The following ARHGAP39 variants were observed in gnomAD, a reference collection of about 807,000 sequenced individuals.
ARHGAP39 encodes the protein rho GTPase-activating protein 39.
A neutral mutation model predicts 106.9 loss-of-function variants in ARHGAP39; 44 were observed. The observed-to-expected ratio is 0.41, with a 90% CI of 0.32 to 0.53. ARHGAP39 has a LOEUF of 0.53. ARHGAP39 is among the 20% of genes least tolerant of loss of function. The probability of loss-of-function intolerance (pLI) is 0.21; values close to 1 mark genes in which losing one functional copy is unlikely to be tolerated. For synonymous variants in ARHGAP39, 768 were observed against 693.2 expected, an observed-to-expected ratio of 1.11 and a Z score of -1.69; for missense variants, 1,496 against 1,577.3, an observed-to-expected ratio of 0.95 and a Z score of 0.87.
intron 2 of ARHGAP39, among the ~76,000 whole-genome samples, chr8:144,601,969 G>A (rs1341550249): frequency 6.9e-6 from 1 of 144,758 alleles, no homozygotes; most frequent in Non-Finnish European, 1.5e-5. Flanking sequence ...GTGTTCATGT[G>A]CGTGGAGGTG....
chr8:144,614,632 T>C (rs1464330594), intron 1 of ARHGAP39, among the ~76,000 whole-genome samples: 1 of 152,204 alleles, frequency 6.6e-6, no homozygotes, highest in African/African-American at 2.4e-5. Context: ...GGATTACAGG[T>C]GTGAGCCACC....
rs1822537395 is a variant in ARHGAP39, at chr8:144,684,900, C to T, written c.-82+786G>A. 6.6e-6 allele frequency among the ~76,000 whole-genome samples: 1 copy of T among 152,220 alleles called. No homozygotes were observed. The highest frequency in any genetic ancestry group is 2.1e-4 in the South Asian group (1 of 4,836). On this transcript the variant is annotated intron_variant, in intron 1 of 11. Coordinates refer to ENST00000377307, the MANE Select transcript of ARHGAP39 (RefSeq NM_025251.3). This position sits in a 1 kb window ranked among gnomAD's most constrained non-coding sequence, Gnocchi z 4.4. ...GAGACGCCCATGTCCGCTCCCTGCG[C>T]CCCGGGGACAAAGCCCGAGGCTGCA... is the stretch of plus-strand genomic sequence containing the variant.
the ARHGAP39 span, among the ~76,000 whole-genome samples, chr8:144,691,327 C>T: frequency 6.6e-6 from 1 of 152,160 alleles, no homozygotes; most frequent in African/African-American, 2.4e-5. Context: ...TCTGCTGGAA[C>T]CCAGCAGGAT....
chr8:144,533,315 T>G lies in ARHGAP39; in HGVS notation c.2699A>C (p.Lys900Thr). Residue 900 changes from lysine (K) to threonine (T), a missense_variant, in exon 9 of 12, where the codon AAG becomes ACG. This residue lies in a region of ARHGAP39 where 470 missense variants were observed against 605.1 expected (regional missense o/e 0.78). Transcript: ENST00000377307. ...ATGCCGGATCTCCTCCACGTTGGGC[T>G]TCTTCAGCCCCTGTGAAGACAGAGG... ...ALTGAKKGLK[K>T]PNVEEIRHAK... The G allele has an allele frequency of 6.2e-7, 1 of 1,612,832 alleles. No individual in the cohort carries two copies.
rs73716225 is a variant in ARHGAP39 at position 144,553,427 on chromosome 8, C to T, written c.596+2133G>A. Among the ~76,000 whole-genome samples, 1,016 of 152,330 alleles carry T rather than the reference C, an allele frequency of 6.7e-3. 16 individuals are homozygous for T. Among genetic ancestry groups the T allele is most frequent in the African/African-American group, 0.022 (933 of 41,566 alleles). ...ACGTATCATGAGAACACACAGAGCA[C>T]GCGCGTTTCAGCAAAAAGGACTGAG... On this transcript the variant is annotated intron_variant, in intron 4 of 11. Transcript: ENST00000377307.
intron 10 of ARHGAP39, 132 bp from the exon 11 acceptor site, chr8:144,531,003 G>T: frequency 1.6e-6 from 2 of 1,217,312 alleles, no homozygotes; most frequent in East Asian, 2.6e-5. Flanking sequence ...TCTGGACAGG[G>T]CCCATCTGGC....
chr8:144,675,764 T>A (rs1822218824), intron 1 of ARHGAP39, among the ~76,000 whole-genome samples: 1 of 151,884 alleles, frequency 6.6e-6, no homozygotes, highest in Non-Finnish European at 1.5e-5. Flanking sequence ...TTCCGGTGGG[T>A]TCGTGGTCTC....
At chr8:144,540,983 C>T (rs1401652561) in intron 6 of ARHGAP39, among the ~76,000 whole-genome samples, 2 of 152,146 alleles carry the variant, frequency 1.3e-5, no homozygotes, top group East Asian at 3.9e-4. Context: ...TCCTGAGTGC[C>T]TGGGATTACA....
intron 3 of ARHGAP39, among the ~76,000 whole-genome samples, chr8:144,570,754 AAG>A (rs1315285057): frequency 9.9e-5 from 15 of 152,206 alleles, no homozygotes; most frequent in Non-Finnish European, 2.1e-4. Context: ...TAAAGAAGAA[AAG>A]AGAGAATAAT....
chr8:144,674,367 CA>C lies in ARHGAP39; in HGVS notation c.-82+11318del, dbSNP rs939570479. Among the ~76,000 whole-genome samples, 125 of 152,302 alleles carry C rather than the reference CA, an allele frequency of 8.2e-4. 1 individual carries two copies. Among genetic ancestry groups the C allele is most frequent in the African/African-American group, 2.5e-3 (106 of 41,574 alleles). On this transcript the variant is annotated intron_variant, in intron 1 of 11. Transcript: ENST00000377307. ...GTTGTCTTGACGACTGTTCAGGTCTCAGCAGAGAGGAGACTCGGACTGGTTA... is the reference window on the plus strand; with the variant it reads ...GTTGTCTTGACGACTGTTCAGGTCTCGCAGAGAGGAGACTCGGACTGGTTA...
In ARHGAP39 at chr8:144,668,712, T is replaced by C. The variant is rs150342851; in HGVS notation, c.-82+16974A>G. On this transcript the variant is annotated intron_variant, in intron 1 of 11. Coordinates refer to ENST00000377307, the MANE Select transcript of ARHGAP39 (RefSeq NM_025251.3). ...ATGTTCATGAAATGAAAGACAACAT[T>C]AGTAAGATGGCAGAACACTCCACAC... Among the ~76,000 whole-genome samples the C allele has an allele frequency of 2.7e-3, 406 of 152,020 alleles. 3 individuals carry two copies. The highest frequency in any genetic ancestry group is 9.3e-3 in the African/African-American group (384 of 41,446).
In ARHGAP39 at chr8:144,661,239, A is replaced by T. The variant is rs114872361; in HGVS notation, c.-82+24447T>A. ...GAGGCCATTCCACTCTACACACAGGAGGAGGCCATTCCACTCTACACACAC... is the reference window on the plus strand; with the variant it reads ...GAGGCCATTCCACTCTACACACAGGTGGAGGCCATTCCACTCTACACACAC... On this transcript the variant is annotated intron_variant, in intron 1 of 11. Coordinates refer to ENST00000377307, the MANE Select transcript of ARHGAP39 (RefSeq NM_025251.3). 7.9e-3 allele frequency among the ~76,000 whole-genome samples: 1,198 copies of T among 152,284 alleles called. 21 individuals carry two copies. The highest frequency in any genetic ancestry group is 0.028 in the African/African-American group (1,144 of 41,558).
rs1440919897 is a variant in ARHGAP39, at chr8:144,684,180, G to A, written c.-82+1506C>T. Among the ~76,000 whole-genome samples, 1 of 152,234 alleles carries A rather than the reference G, an allele frequency of 6.6e-6. No homozygotes were observed. Among genetic ancestry groups the A allele is most frequent in the Non-Finnish European group, 1.5e-5 (1 of 68,046 alleles). ...CAGCTGGCTACACCAAGTGCAGGGA[G>A]CGAGGCGCCACCCCCATTCATTCAC... On this transcript the variant is annotated intron_variant, in intron 1 of 11. Coordinates refer to ENST00000377307, the MANE Select transcript of ARHGAP39 (RefSeq NM_025251.3). The surrounding 1 kb of genome is among the most constrained non-coding windows in gnomAD (Gnocchi z 4.4).
At chr8:144,678,170 C>A (rs576035382) in intron 1 of ARHGAP39, among the ~76,000 whole-genome samples, 2 of 151,988 alleles carry the variant, frequency 1.3e-5, no homozygotes, top group South Asian at 4.2e-4. Flanking sequence ...TTTCGGAGGC[C>A]GAGGTGGGAG....
chr8:144,667,384 C>T (rs1055260846), intron 1 of ARHGAP39, among the ~76,000 whole-genome samples: 2 of 152,100 alleles, frequency 1.3e-5, no homozygotes, highest in Non-Finnish European at 2.9e-5. Flanking sequence ...GCCCACCTGA[C>T]CCCACCCCCT....
At chr8:144,689,426 CTTTTTTTTTTTT>C (rs71320837), upstream of ARHGAP39, among the ~76,000 whole-genome samples, 2 of 67,554 alleles carry the variant, frequency 3.0e-5, no homozygotes, top group Non-Finnish European at 5.3e-5. Context: ...TCTTAACCAT[CTTTTTTTTTTTT>C]TTTTTTTTTT....
rs910452106 is a variant in ARHGAP39 at position 144,685,733 on chromosome 8, C to T, written c.-129G>A. ...GCCGCCACAGTCCCTCATCCCGGCCCGCGCGACGCGCGTGAGCCAGCCGCC... is the reference window on the plus strand; with the variant it reads ...GCCGCCACAGTCCCTCATCCCGGCCTGCGCGACGCGCGTGAGCCAGCCGCC... On this transcript the variant is annotated 5_prime_UTR_variant, in exon 1 of 12. Transcript: ENST00000377307. Among the ~76,000 whole-genome samples the T allele has an allele frequency of 6.8e-6, 1 of 147,698 alleles. No individual in the cohort carries two copies. Among genetic ancestry groups the T allele is most frequent in the African/African-American group, 2.4e-5 (1 of 40,990 alleles).
chr8:144,607,013 A>C (rs913909333), intron 1 of ARHGAP39, among the ~76,000 whole-genome samples: 5 of 151,296 alleles, frequency 3.3e-5, no homozygotes, highest in Admixed American at 6.6e-5. Context: ...AAAAAAAAAA[A>C]CCCACATCCT....
intron 3 of ARHGAP39, among the ~76,000 whole-genome samples, chr8:144,567,566 T>C (rs546240926): frequency 6.6e-6 from 1 of 152,340 alleles, no homozygotes; most frequent in African/African-American, 2.4e-5. Context: ...TCAGTCAGGC[T>C]CGCCTGCAGT....
Sources: gnomAD v4.1 joint callset for allele counts (sites outside exome capture counted in the v4.1 genomes callset) on GRCh38, gnomAD v4.1.1 for gene constraint, gnomAD v4.1.1 regional missense constraint, Gnocchi (gnomAD v3.1) non-coding constraint, MANE v1.5 for transcripts, NCBI Gene and HGNC (gene_info 2026-07-23, HGNC 2026-07-21) for gene names.